The following LRGUK variants were observed in gnomAD, a reference collection of about 807,000 sequenced individuals.
The protein encoded by LRGUK is leucine rich repeats and guanylate kinase domain containing.
LRGUK carries 65 observed loss-of-function variants against 76.0 expected under a neutral mutation model. The observed-to-expected ratio is 0.85, with a 90% CI of 0.70 to 1.05. LRGUK has a LOEUF of 1.05. Ranked by LOEUF, LRGUK falls within the 50% of genes least tolerant of loss-of-function variation. The pLI, the probability that LRGUK is intolerant of heterozygous loss-of-function variation, is 0.00. For synonymous variants in LRGUK, 268 were observed against 265.6 expected, an observed-to-expected ratio of 1.01 and a Z score of -0.09; for missense variants, 758 against 732.8, an observed-to-expected ratio of 1.03 and a Z score of -0.40.
chr7:134,255,267 ATT>A (rs1802548536), intron 18 of LRGUK, among the ~76,000 whole-genome samples: 1 of 149,320 alleles, frequency 6.7e-6, no homozygotes, highest in African/African-American at 2.5e-5. Flanking sequence ...ACACACACAA[ATT>A]TATAACTACT....
intron 7 of LRGUK, among the ~76,000 whole-genome samples, chr7:134,168,264 T>TAC (rs1799077358): frequency 6.6e-6 from 1 of 151,826 alleles, no homozygotes; most frequent in African/African-American, 2.4e-5. Flanking sequence ...ACTTGGGAGG[T>TAC]TGAGGCAGGA....
chr7:134,261,808 C>T (rs528900421), intron 19 of LRGUK, among the ~76,000 whole-genome samples: 15 of 152,250 alleles, frequency 9.9e-5, no homozygotes, highest in African/African-American at 2.9e-4. Flanking sequence ...ACCATTGTAG[C>T]GTGAGAACAG....
chr7:134,217,169 T>TTC (rs1554472818), intron 15 of LRGUK, among the ~76,000 whole-genome samples: 8 of 151,528 alleles, frequency 5.3e-5, no homozygotes, highest in Non-Finnish European at 8.8e-5. Flanking sequence ...TTTTTTTTTT[T>TTC]CGGAATTCTG....
At chr7:134,236,098 C>G (rs1335624660) in intron 16 of LRGUK, among the ~76,000 whole-genome samples, 1 of 151,862 alleles carries the variant, frequency 6.6e-6, no homozygotes, top group Non-Finnish European at 1.5e-5. Context: ...ATTTTCTTAC[C>G]CTTTCTTAAA....
intron 18 of LRGUK, among the ~76,000 whole-genome samples, chr7:134,256,390 C>T (rs1563201981): frequency 7.1e-6 from 1 of 141,830 alleles, no homozygotes; most frequent in Non-Finnish European, 1.5e-5. Context: ...ACCGGGCAGG[C>T]GGAGGTTGCA....
chr7:134,184,190 G>C (rs1799881930), intron 11 of LRGUK, among the ~76,000 whole-genome samples: 1 of 152,090 alleles, frequency 6.6e-6, no homozygotes, highest in Non-Finnish European at 1.5e-5. Flanking sequence ...AATCGATATG[G>C]TAAAGATGAT....
chr7:134,225,468 G>T (rs2117163006), intron 16 of LRGUK, among the ~76,000 whole-genome samples: 1 of 152,300 alleles, frequency 6.6e-6, no homozygotes, highest in East Asian at 1.9e-4. Flanking sequence ...GGCATTTACT[G>T]ATCCCTGATG....
intron 16 of LRGUK, among the ~76,000 whole-genome samples, chr7:134,241,122 T>C (rs867826927): frequency 2.0e-5 from 3 of 152,146 alleles, no homozygotes; most frequent in Non-Finnish European, 4.4e-5. Flanking sequence ...AGACCATCGA[T>C]GCTAGGAAGA....
At chr7:134,189,098 C>T (rs1008420372) in intron 11 of LRGUK, among the ~76,000 whole-genome samples, 1 of 152,182 alleles carries the variant, frequency 6.6e-6, no homozygotes, top group African/African-American at 2.4e-5. Flanking sequence ...CATGAATTGG[C>T]ACCCTTAGAC....
At chr7:134,151,782 C>A (rs1563146913) in intron 5 of LRGUK, among the ~76,000 whole-genome samples, 1 of 151,944 alleles carries the variant, frequency 6.6e-6, no homozygotes, top group Admixed American at 6.6e-5. Context: ...AGGGAGTAAA[C>A]CTTGTGATCC....
At chr7:134,211,331 G>A (rs1801259981), downstream of LRGUK, among the ~76,000 whole-genome samples, 1 of 152,250 alleles carries the variant, frequency 6.6e-6, no homozygotes, top group Non-Finnish European at 1.5e-5. Flanking sequence ...CTGAAGCAGG[G>A]CCATATTGCC....
the LRGUK span, among the ~76,000 whole-genome samples, chr7:134,272,690 A>G: frequency 6.6e-6 from 1 of 152,190 alleles, no homozygotes; most frequent in Non-Finnish European, 1.5e-5. Context: ...ATAAGGCAAA[A>G]AGTATAAGAA....
chr7:134,188,553 A>C (rs140006866), intron 11 of LRGUK, among the ~76,000 whole-genome samples: 9 of 152,276 alleles, frequency 5.9e-5, no homozygotes, highest in Non-Finnish European at 1.3e-4. Flanking sequence ...GTAGTTACTG[A>C]AAAGTGGGCA....
At chr7:134,272,093 C>T in the LRGUK span, among the ~76,000 whole-genome samples, 1 of 152,102 alleles carries the variant, frequency 6.6e-6, no homozygotes, top group African/African-American at 2.4e-5. Context: ...CCTTGTCTCA[C>T]ATCTGAATCT....
intron 12 of LRGUK, among the ~76,000 whole-genome samples, chr7:134,194,622 T>G (rs1800405856): frequency 6.6e-6 from 1 of 152,060 alleles, no homozygotes; most frequent in African/African-American, 2.4e-5. Flanking sequence ...ATGCCTGTAG[T>G]CCCAGCAACT....
At chr7:134,190,058 G>A (rs565283505) in intron 11 of LRGUK, among the ~76,000 whole-genome samples, 11 of 152,170 alleles carry the variant, frequency 7.2e-5, no homozygotes, top group Non-Finnish European at 1.2e-4. Context: ...TCATCCTGGC[G>A]TTGCTACTTA....
intron 16 of LRGUK, among the ~76,000 whole-genome samples, chr7:134,236,097 C>T (rs73441379): frequency 0.018 from 2,739 of 152,146 alleles, 96 homozygotes; most frequent in African/African-American, 0.064. Context: ...TATTTTCTTA[C>T]CCTTTCTTAA....
exon 16 of LRGUK, chr7:134,210,192 C>T (rs1459882483): frequency 1.0e-5 from 4 of 399,308 alleles, no homozygotes; most frequent in African/African-American, 8.2e-5. Flanking sequence ...CACGATCAGC[C>T]AGCTCCCACC....
At chr7:134,236,608 G>A (rs1315444245) in intron 16 of LRGUK, among the ~76,000 whole-genome samples, 2 of 152,214 alleles carry the variant, frequency 1.3e-5, no homozygotes, top group Admixed American at 1.3e-4. Flanking sequence ...AAGGCAGTAA[G>A]TAGTGGTATT....
Sources: allele counts gnomAD v4.1 joint callset (sites outside exome capture counted in the v4.1 genomes callset), GRCh38; gene constraint gnomAD v4.1.1; transcripts MANE v1.5; gene names NCBI Gene and HGNC (gene_info 2026-07-23, HGNC 2026-07-21).